PTPRK: variants seen among roughly 807,000 people sequenced by gnomAD.
PTPRK encodes protein tyrosine phosphatase receptor type K.
A neutral mutation model predicts 178.0 loss-of-function variants in PTPRK; 75 were observed. That is an observed-to-expected ratio of 0.42 (90% confidence interval 0.35 to 0.51). The LOEUF is 0.51. Among genes scored for constraint, PTPRK ranks in the 20% least tolerant of loss-of-function variants. The pLI, the probability that PTPRK is intolerant of heterozygous loss-of-function variation, is 0.02. For missense variants in PTPRK, 1,441 were observed against 1,797.8 expected (o/e 0.80, Z 3.59); for synonymous variants, 637 against 620.6 (o/e 1.03, Z -0.39).
At chr6:128,266,129 C>T (rs1818908717) in intron 3 of PTPRK, among the ~76,000 whole-genome samples, 1 of 152,106 alleles carries the variant, frequency 6.6e-6, no homozygotes, top group Admixed American at 6.6e-5. Context: ...CTATAGCAGA[C>T]TGAAGTGACT....
intron 2 of PTPRK, among the ~76,000 whole-genome samples, chr6:128,327,024 G>A (rs1829676700): frequency 6.6e-6 from 1 of 151,528 alleles, no homozygotes; most frequent in Admixed American, 6.6e-5. Context: ...CAAAAATTGA[G>A]TACTTCTTAT....
intron 7 of PTPRK, among the ~76,000 whole-genome samples, chr6:128,159,165 A>G (rs1583270332): frequency 6.6e-6 from 1 of 152,002 alleles, no homozygotes; most frequent in Non-Finnish European, 1.5e-5. Flanking sequence ...ACAACAACAA[A>G]AAACTTCATG....
intron 2 of PTPRK, among the ~76,000 whole-genome samples, chr6:128,365,577 T>C (rs1490108326): frequency 6.6e-6 from 1 of 152,146 alleles, no homozygotes; most frequent in Non-Finnish European, 1.5e-5. Flanking sequence ...TAACATGCTA[T>C]AAGTTCCTCA....
intron 21 of PTPRK, among the ~76,000 whole-genome samples, chr6:127,989,425 A>G (rs1776345225): frequency 6.6e-6 from 1 of 151,990 alleles, no homozygotes; most frequent in Admixed American, 6.6e-5. Flanking sequence ...TGTTGGTAGG[A>G]TAACTCACAA....
chr6:128,109,827 C>A (rs1179555944), intron 7 of PTPRK, among the ~76,000 whole-genome samples: 4 of 151,988 alleles, frequency 2.6e-5, no homozygotes, highest in African/African-American at 4.8e-5. Flanking sequence ...ATTTTATTCC[C>A]CCAAAATGAG....
chr6:127,997,067 T>G, intron 16 of PTPRK, 79 bp from the exon 17 acceptor site: 1 of 1,422,882 alleles, frequency 7.0e-7, no homozygotes, highest in South Asian at 1.2e-5. Flanking sequence ...AAGCCCCAAA[T>G]AGTAAAAACC....
intron 2 of PTPRK, among the ~76,000 whole-genome samples, chr6:128,357,377 G>C (rs1225476174): frequency 6.6e-6 from 1 of 152,152 alleles, no homozygotes; most frequent in African/African-American, 2.4e-5. Context: ...CAAAGACAGA[G>C]ATCACAGACC....
intron 5 of PTPRK, 110 bp downstream of exon 5, chr6:128,239,925 G>T: frequency 1.4e-6 from 1 of 728,564 alleles, no homozygotes; most frequent in Non-Finnish European, 2.3e-6. Flanking sequence ...ACATGCGTGT[G>T]CACACGCACA....
At chr6:128,040,020 G>A (rs1246004136) in intron 13 of PTPRK, among the ~76,000 whole-genome samples, 2 of 152,142 alleles carry the variant, frequency 1.3e-5, no homozygotes, top group Non-Finnish European at 2.9e-5. Flanking sequence ...TTAATAAAGT[G>A]GTTGCTGTTG....
chr6:128,244,732 T>G (rs1815138529), intron 3 of PTPRK, among the ~76,000 whole-genome samples: 1 of 152,178 alleles, frequency 6.6e-6, no homozygotes, highest in Non-Finnish European at 1.5e-5. Flanking sequence ...TAGTACAGAC[T>G]GAAAACCTCT....
At chr6:128,123,165 A>G (rs1792758679) in intron 7 of PTPRK, among the ~76,000 whole-genome samples, 1 of 152,154 alleles carries the variant, frequency 6.6e-6, no homozygotes, top group African/African-American at 2.4e-5. Context: ...CAGAGATTGG[A>G]GTGATGCATC....
At chr6:128,360,595 A>T (rs1410320275) in intron 2 of PTPRK, among the ~76,000 whole-genome samples, 2 of 152,142 alleles carry the variant, frequency 1.3e-5, no homozygotes, top group Non-Finnish European at 2.9e-5. Context: ...CTCCAAACCC[A>T]TTCTTCTATG....
intron 16 of PTPRK, among the ~76,000 whole-genome samples, chr6:127,998,247 C>A (rs981097784): frequency 1.3e-5 from 2 of 151,818 alleles, no homozygotes; most frequent in Non-Finnish European, 2.9e-5. Context: ...ACCAATAATC[C>A]ATAAAATTAA....
chr6:128,505,301 C>T (rs989244940), intron 1 of PTPRK, among the ~76,000 whole-genome samples: 1 of 150,082 alleles, frequency 6.7e-6, no homozygotes, highest in Non-Finnish European at 1.5e-5. Context: ...ATTAGCCATG[C>T]GTGGTGGCAC....
intron 2 of PTPRK, among the ~76,000 whole-genome samples, chr6:128,339,416 T>C (rs73589539): frequency 0.014 from 2,151 of 152,236 alleles, 49 homozygotes; most frequent in African/African-American, 0.049. Flanking sequence ...AAACACATCT[T>C]GAATCTGAGT....
Position 128,290,657 on chromosome 6 carries a change from A to T in PTPRK, c.495+31382T>A, listed in dbSNP as rs571619304. Among the ~76,000 whole-genome samples the T allele has an allele frequency of 2.6e-5, 4 of 152,200 alleles. No individual in the cohort carries two copies. The South Asian group carries it at 8.3e-4, about 32-fold the overall frequency. ...CTGGAGCTGCTTTAAAGGATTCTAC[A>T]CATTAGCAATTTAATTTTTTAAGCT... On this transcript the variant is annotated intron_variant, in intron 3 of 29. Transcript: ENST00000368226.
chr6:128,168,906 A>T (rs1256511077), intron 7 of PTPRK, among the ~76,000 whole-genome samples: 1 of 152,132 alleles, frequency 6.6e-6, no homozygotes, highest in African/African-American at 2.4e-5. Flanking sequence ...TTCCCTAAAA[A>T]AGGCAATCCT....
In PTPRK at chr6:127,969,568, G is replaced by A. The variant is rs986357587; in HGVS notation, c.*659C>T. 9 of 152,066 alleles carry A rather than the reference G, an allele frequency of 5.9e-5. No individual in the cohort carries two copies. Among genetic ancestry groups the A allele is most frequent in the Admixed American group, 1.3e-4 (2 of 15,254 alleles). 9.4% of individuals were successfully genotyped at this position (152,066 alleles called of 1,614,324 possible). On this transcript the variant is annotated 3_prime_UTR_variant, in exon 30 of 30. Coordinates refer to ENST00000368226, the MANE Select transcript of PTPRK (RefSeq NM_002844.4). ...GGAAAAAAAAGATGATTGTGTGGTGGTAGTATTTTAGCCATCAAAAAAGGA... is the reference window on the plus strand; with the variant it reads ...GGAAAAAAAAGATGATTGTGTGGTGATAGTATTTTAGCCATCAAAAAAGGA...
chr6:128,506,827 T>C (rs1856439699), intron 1 of PTPRK, among the ~76,000 whole-genome samples: 1 of 152,100 alleles, frequency 6.6e-6, no homozygotes, highest in Admixed American at 6.6e-5. Context: ...GGCATCCTAT[T>C]ATTTATTCTC....
Sources: gnomAD v4.1 joint callset for allele counts (sites outside exome capture counted in the v4.1 genomes callset) on GRCh38, gnomAD v4.1.1 for gene constraint, MANE v1.5 for transcripts, NCBI Gene and HGNC (gene_info 2026-07-23, HGNC 2026-07-21) for gene names.